The following CD300A variants were observed in gnomAD, a reference collection of about 807,000 sequenced individuals.
The protein encoded by CD300A is CMRF35-like molecule 8.
CD300A carries 22 observed loss-of-function variants against 33.6 expected under a neutral mutation model. That is an observed-to-expected ratio of 0.66 (90% CI 0.47 to 0.94). CD300A has a LOEUF of 0.94. Ranked by LOEUF, CD300A falls within the 40% of genes least tolerant of loss-of-function variation. The pLI is 0.00. For missense variants in CD300A, 326 were observed against 360.5 expected (o/e 0.90, Z 0.77); for synonymous variants, 136 against 148.1 (o/e 0.92, Z 0.59).
intron 1 of CD300A, 105 bp downstream of exon 1, chr17:74,466,848 G>A (rs1156895303): frequency 6.5e-7 from 1 of 1,541,112 alleles, no homozygotes; most frequent in African/African-American, 1.4e-5. Context: ...TGGACTCCGT[G>A]CAGAACGCAG....
chr17:74,477,564 TG>T (rs35804895), intron 4 of CD300A, 34 bp downstream of exon 4: 45 of 1,493,136 alleles, frequency 3.0e-5, no homozygotes, highest in Non-Finnish European at 4.1e-5. Context: ...CTGCCCCACC[TG>T]GGGTGGTCAG....
At position 74,484,369 on chromosome 17, in the gene CD300A, T is replaced by G; in HGVS notation, c.*243T>G. ...CTCCCAGCCACCAGTGCCTGTCACC[T>G]CTTTCCCCTTTGCCCCTGCTTCATC... On this transcript the variant is annotated 3_prime_UTR_variant, in exon 7 of 7. Coordinates refer to ENST00000360141, the MANE Select transcript of CD300A (RefSeq NM_007261.4). 2.6e-6 allele frequency: 1 copy of G among 390,728 alleles called. No individual in the cohort carries two copies. The allele number at this position is 390,728 out of a possible 1,614,324, so 24.2% of individuals were successfully genotyped here.
chr17:74,481,341 G>A lies in CD300A; in HGVS notation c.666+15G>A, dbSNP rs752063507. 2 of 1,613,398 alleles carry A rather than the reference G, an allele frequency of 1.2e-6. No homozygotes were observed. The highest frequency in any genetic ancestry group is 1.7e-5 in the Admixed American group (1 of 59,982). On this transcript the variant is annotated intron_variant, in intron 5 of 6. Transcript: ENST00000360141. ...ACCCCAAGCAGGTAAGGGGGCTTTA[G>A]CAGGAGGTGTATCAGGTGGCTGGGC...
rs147880204 is a variant in CD300A at position 74,484,057 on chromosome 17, C to T, written c.831C>T (p.Asn277=). 6.2e-6 allele frequency: 10 copies of T among 1,614,084 alleles called. No homozygotes were observed. Among genetic ancestry groups the T allele is most frequent in the Admixed American group, 1.7e-5 (1 of 60,024 alleles). Reference sequence around the variant, plus strand: ...CGGTGGTGTTTGATTCTAACACCAACAGGATAGCTGCTCAGAGGCCTCGGG... The same window carrying T: ...CGGTGGTGTTTGATTCTAACACCAATAGGATAGCTGCTCAGAGGCCTCGGG... ...YASVVFDSNT[N]RIAAQRPREE... Residue 277 remains asparagine, a synonymous_variant, in exon 7 of 7, where the codon AAC becomes AAT. Coordinates refer to ENST00000360141, the MANE Select transcript of CD300A (RefSeq NM_007261.4).
chr17:74,477,478 G>T lies in CD300A; in HGVS notation c.576G>T (p.Leu192=). Residue 192 remains leucine (L), a synonymous_variant, in exon 4 of 7, where the codon CTG becomes CTT. Coordinates refer to ENST00000360141, the MANE Select transcript of CD300A (RefSeq NM_007261.4). ...LLSLLALLLL[L]LVGASLLAWR... ...CCCTGCTGGCATTGTTGCTGCTTCT[G>T]TTGGTGGGGGCCTCCCTGCTAGCCT... The T allele has an allele frequency of 6.2e-7, 1 of 1,613,678 alleles. No homozygotes were observed.
Position 74,473,569 on chromosome 17 carries a change from C to T in CD300A, c.74C>T (p.Ala25Val), listed in dbSNP as rs200229648. ...CFALSKCRTV[A>V]GPVGGSLSVQ... is the part of the protein sequence containing the mutation. ...GCTCTGAGCAAATGCAGGACCGTGG[C>T]GGGCCCCGTGGGGGGATCCCTGAGT... is the stretch of plus-strand genomic sequence containing the variant. Residue 25 changes from alanine (A) to valine (V), a missense_variant, in exon 2 of 7, where the codon GCG becomes GTG. Physicochemically the swap from Ala to Val is moderately conservative, Grantham distance 64. Transcript: ENST00000360141. 3.2e-4 allele frequency: 511 copies of T among 1,613,668 alleles called. No individual in the cohort carries two copies. The highest frequency in any genetic ancestry group is 3.1e-3 in the Middle Eastern group (19 of 6,060).
chr17:74,469,684 C>T (rs1391907619), intron 1 of CD300A, among the ~76,000 whole-genome samples: 1 of 152,088 alleles, frequency 6.6e-6, no homozygotes, highest in Non-Finnish European at 1.5e-5. Flanking sequence ...ATTAGCCAGG[C>T]ATGGTAGTGT....
chr17:74,481,359 G>A, intron 5 of CD300A, 33 bp downstream of exon 5: 9 of 1,609,202 alleles, frequency 5.6e-6, no homozygotes, highest in Non-Finnish European at 7.7e-6. Context: ...TGTATCAGGT[G>A]GCTGGGCGGA....
rs553825599 is a variant in CD300A, at chr17:74,468,866, C to T, written c.40+2123C>T. Among the ~76,000 whole-genome samples the T allele has an allele frequency of 5.9e-5, 9 of 152,288 alleles. No homozygotes were observed. The East Asian group carries it at 1.5e-3, about 26-fold the overall frequency. Reference sequence around the variant, plus strand: ...AGAGACGGGGTTTCACCATGTTGCCCAAGGTGGTCTCGAACTCCTGAGCTC... The same window carrying T: ...AGAGACGGGGTTTCACCATGTTGCCTAAGGTGGTCTCGAACTCCTGAGCTC... On this transcript the variant is annotated intron_variant, in intron 1 of 6. Coordinates refer to ENST00000360141, the MANE Select transcript of CD300A (RefSeq NM_007261.4).
intron 1 of CD300A, among the ~76,000 whole-genome samples, chr17:74,467,746 C>T (rs1192529768): frequency 6.6e-6 from 1 of 152,208 alleles, no homozygotes; most frequent in Non-Finnish European, 1.5e-5. Flanking sequence ...ACGGGTCATC[C>T]TCCCATAACA....
At chr17:74,476,768 G>A (rs1281229621) in intron 3 of CD300A, among the ~76,000 whole-genome samples, 4 of 152,142 alleles carry the variant, frequency 2.6e-5, no homozygotes. Flanking sequence ...TCCATGTGTT[G>A]GAATACCCTG....
chr17:74,479,586 A>G (rs1369746607), intron 4 of CD300A, among the ~76,000 whole-genome samples: 3 of 152,152 alleles, frequency 2.0e-5, no homozygotes, highest in African/African-American at 4.8e-5. Flanking sequence ...TTTTAAACCT[A>G]CATTTTTGCA....
intron 1 of CD300A, among the ~76,000 whole-genome samples, chr17:74,470,930 G>T (rs1906058368): frequency 6.6e-6 from 1 of 151,598 alleles, no homozygotes; most frequent in Non-Finnish European, 1.5e-5. Flanking sequence ...AGGATTACAG[G>T]CATGAGCCAC....
intron 1 of CD300A, among the ~76,000 whole-genome samples, chr17:74,471,581 T>C (rs1212644751): frequency 6.6e-6 from 1 of 152,108 alleles, no homozygotes; most frequent in East Asian, 1.9e-4. Context: ...AGCTGATACG[T>C]AATAGGGTAG....
chr17:74,473,561 G>A lies in CD300A; in HGVS notation c.66G>A (p.Arg22=), dbSNP rs769420909. The part of the protein sequence containing the change: ...VPGCFALSKC[R]TVAGPVGGSL... ...GATGTTTTGCTCTGAGCAAATGCAG[G>A]ACCGTGGCGGGCCCCGTGGGGGGAT... The change falls in exon 2 of 7, where the codon AGG becomes AGA. Residue 22 remains arginine (R), a synonymous_variant. Coordinates refer to ENST00000360141, the MANE Select transcript of CD300A (RefSeq NM_007261.4). 10 of 1,613,800 alleles carry A rather than the reference G, an allele frequency of 6.2e-6. No homozygotes were observed. The highest frequency in any genetic ancestry group is 1.7e-5 in the Admixed American group (1 of 59,994).
In CD300A at chr17:74,481,292, G is replaced by C. The variant is rs747155560; in HGVS notation, c.632G>C (p.Gly211Ala). ...WRMFQKWIKA[G>A]DHSELSQNPK... ...CTTCCTCTCCTCTTGTCTCTAGCTG[G>C]TGACCATTCAGAGCTGTCCCAGAAC... Residue 211 changes from glycine to alanine, a missense_variant, in exon 5 of 7, where the codon GGT becomes GCT. By Grantham distance (60) the Gly-to-Ala change is moderately conservative (BLOSUM62 0). Coordinates refer to ENST00000360141, the MANE Select transcript of CD300A (RefSeq NM_007261.4). 68 of 1,613,744 alleles carry C rather than the reference G, an allele frequency of 4.2e-5. No homozygotes were observed. The South Asian group carries it at 7.2e-4, about 17-fold the overall frequency.
At chr17:74,472,279 A>G (rs1486899972) in intron 1 of CD300A, among the ~76,000 whole-genome samples, 2 of 152,034 alleles carry the variant, frequency 1.3e-5, no homozygotes, top group Non-Finnish European at 2.9e-5. Flanking sequence ...CAAGGAAAGA[A>G]GAGCAAGCCC....
At chr17:74,481,437 T>A in intron 5 of CD300A, 111 bp downstream of exon 5, 1 of 992,870 alleles carries the variant, frequency 1.0e-6, no homozygotes, top group Non-Finnish European at 1.6e-6. Flanking sequence ...AGCGGGGAGC[T>A]CACCCAGAGC....
In CD300A at chr17:74,477,509, A is replaced by ATGTTT. The variant is rs1567982387; in HGVS notation, c.608_612dup (p.Gln205CysfsTer35). On this transcript the variant is annotated frameshift_variant, in exon 4 of 7. Transcript: ENST00000360141. LOFTEE classifies it high-confidence loss of function. ...GGGGGCCTCCCTGCTAGCCTGGAGG[A>ATGTTT]TGTTTCAGAAATGGATCAAAGGTGA... is the stretch of plus-strand genomic sequence containing the variant. 5 of 1,612,944 alleles carry ATGTTT rather than the reference A, an allele frequency of 3.1e-6. No homozygotes were observed. Among genetic ancestry groups the ATGTTT allele is most frequent in the Non-Finnish European group, 3.4e-6 (4 of 1,179,722 alleles).
Sources: gnomAD v4.1 joint callset for allele counts (sites outside exome capture counted in the v4.1 genomes callset) on GRCh38, gnomAD v4.1.1 for gene constraint, MANE v1.5 for transcripts, NCBI Gene and HGNC (gene_info 2026-07-23, HGNC 2026-07-21) for gene names.